The following DNM3 variants were observed in gnomAD, a reference collection of about 807,000 sequenced individuals.
The protein encoded by DNM3 is dynamin-3.
In DNM3, 47 loss-of-function variants were observed where a neutral mutation model predicts 101.6. The ratio of observed to expected loss-of-function variants is 0.46; its 90% CI spans 0.37 to 0.59. DNM3 has a LOEUF of 0.59. Among genes scored for constraint, DNM3 ranks in the 20% least tolerant of loss-of-function variants. DNM3 has a pLI of 0.00. For synonymous variants in DNM3, 385 were observed against 387.9 expected (o/e 0.99, Z 0.09); for missense variants, 849 against 1,085.7 (o/e 0.78, Z 3.06).
chr1:171,870,207 A>G (rs1051974845), intron 1 of DNM3, among the ~76,000 whole-genome samples: 4 of 152,228 alleles, frequency 2.6e-5, no homozygotes, highest in Non-Finnish European at 4.4e-5. Flanking sequence ...TCCGTTTGAC[A>G]TGAATTGCCT....
In DNM3 at chr1:172,412,678, T is replaced by C; in HGVS notation, c.*4837T>C. On this transcript the variant is annotated 3_prime_UTR_variant, in exon 21 of 21. Coordinates refer to ENST00000627582, the MANE Select transcript of DNM3 (RefSeq NM_015569.5). The stretch of plus-strand genomic sequence containing the variant: ...TGTACCTATTGTGAAAATGTGAAGC[T>C]GTATTTCTGAAGCTGAAATAAATTA... 2 of 985,786 alleles carry C rather than the reference T, an allele frequency of 2.0e-6. No individual in the cohort carries two copies. The highest frequency in any genetic ancestry group is 2.4e-6 in the Non-Finnish European group (2 of 829,852). The allele number at this position is 985,786 out of a possible 1,614,324, so 61.1% of individuals were successfully genotyped here.
chr1:172,319,325 T>A (rs2065572624), intron 16 of DNM3, among the ~76,000 whole-genome samples: 1 of 152,012 alleles, frequency 6.6e-6, no homozygotes. Context: ...GACATAGGCA[T>A]GGGCAAGGAC....
intron 14 of DNM3, among the ~76,000 whole-genome samples, chr1:172,146,302 G>A (rs764183294): frequency 1.3e-4 from 20 of 152,058 alleles, no homozygotes; most frequent in Non-Finnish European, 2.1e-4. Flanking sequence ...TCATTAAATA[G>A]CACACTACTG....
intron 14 of DNM3, among the ~76,000 whole-genome samples, chr1:172,164,604 A>G (rs1413614877): frequency 4.0e-5 from 6 of 151,810 alleles, no homozygotes; most frequent in Non-Finnish European, 1.5e-5. Context: ...TTCATACCCA[A>G]GTTTTTGCGT....
chr1:171,954,526 C>T (rs979973012), intron 2 of DNM3, among the ~76,000 whole-genome samples: 3 of 152,170 alleles, frequency 2.0e-5, no homozygotes, highest in Non-Finnish European at 2.9e-5. Context: ...ATGAAATCCT[C>T]TTAAGATAGT....
rs918111640 is a variant in DNM3, at chr1:172,022,846, C to G, written c.590-9556C>G. 1.4e-4 allele frequency among the ~76,000 whole-genome samples: 21 copies of G among 152,186 alleles called. 1 individual carries two copies. Among genetic ancestry groups the G allele is most frequent in the Admixed American group, 1.3e-3 (20 of 15,298 alleles). The stretch of plus-strand genomic sequence containing the variant: ...TATCCTTCTCCTATACTTATGTATA[C>G]TCACACACTCACATATGCACTTATC... On this transcript the variant is annotated intron_variant, in intron 4 of 20. Transcript: ENST00000627582.
rs866796843 is a variant in DNM3 at position 172,371,858 on chromosome 1, A to T, written c.1894-7160A>T. Reference sequence around the variant, plus strand: ...TTTATTTTTATTTTTATTTTTATTTATTTTTATTTTTATTTTTTATTTTTT... The same window carrying T: ...TTTATTTTTATTTTTATTTTTATTTTTTTTTATTTTTATTTTTTATTTTTT... On this transcript the variant is annotated intron_variant, in intron 17 of 20. Transcript: ENST00000627582. 2.8e-3 allele frequency among the ~76,000 whole-genome samples: 411 copies of T among 145,412 alleles called. 1 individual carries two copies. Among genetic ancestry groups the T allele is most frequent in the African/African-American group, 1.0e-2 (393 of 39,330 alleles).
At chr1:172,133,066 T>A in intron 14 of DNM3, 1 of 1,450,792 alleles carries the variant, frequency 6.9e-7, no homozygotes, top group South Asian at 1.5e-5. Context: ...CACAGAGGAC[T>A]TATGAAGATG....
rs1168663039 is a variant in DNM3 at position 172,182,102 on chromosome 1, C to A, written c.1659+50814C>A. Among the ~76,000 whole-genome samples the A allele has an allele frequency of 3.3e-5, 5 of 151,310 alleles. No individual in the cohort carries two copies. In the East Asian group the frequency reaches 9.7e-4, roughly 29 times the overall value. ...GGAACTTTTTACTATTAGAAATAGG[C>A]AACATTATTGTAGTGTGAAGGTCAT... On this transcript the variant is annotated intron_variant, in intron 14 of 20. Transcript: ENST00000627582.
rs141025538 is a variant in DNM3 at position 172,035,257 on chromosome 1, G to C, written c.849+1992G>C. Among the ~76,000 whole-genome samples the C allele has an allele frequency of 3.6e-3, 547 of 152,254 alleles. 8 individuals carry two copies. The highest frequency in any genetic ancestry group is 0.013 in the African/African-American group (531 of 41,562). On this transcript the variant is annotated intron_variant, in intron 6 of 20. Coordinates refer to ENST00000627582, the MANE Select transcript of DNM3 (RefSeq NM_015569.5). ...TCAAATACTTGATTTTGGACATGTT[G>C]AGCTTGAGATATCATTGACACATCC...
chr1:172,050,556 A>G (rs1325226058), intron 10 of DNM3, among the ~76,000 whole-genome samples: 1 of 152,246 alleles, frequency 6.6e-6, no homozygotes. Flanking sequence ...AAAAGACTTG[A>G]TAACTGTTAG....
intron 2 of DNM3, among the ~76,000 whole-genome samples, chr1:171,928,322 T>C (rs937586919): frequency 6.6e-6 from 1 of 152,174 alleles, no homozygotes; most frequent in African/African-American, 2.4e-5. Context: ...GGCTTCTCAC[T>C]GCCACTCTGG....
chr1:171,884,082 AG>A (rs2036557447), intron 1 of DNM3, among the ~76,000 whole-genome samples: 1 of 152,198 alleles, frequency 6.6e-6, no homozygotes, highest in Non-Finnish European at 1.5e-5. Flanking sequence ...GCATCTTCAA[AG>A]TTTTGTCTGG....
intron 19 of DNM3, among the ~76,000 whole-genome samples, chr1:172,387,781 T>C (rs2069280205): frequency 6.6e-6 from 1 of 152,136 alleles, no homozygotes; most frequent in East Asian, 1.9e-4. Flanking sequence ...AAAAGATATT[T>C]ACATTCAGGA....
chr1:172,033,453 C>T (rs1014431548), intron 6 of DNM3, among the ~76,000 whole-genome samples, 188 bp downstream of exon 6: 1 of 152,020 alleles, frequency 6.6e-6, no homozygotes, highest in Non-Finnish European at 1.5e-5. Context: ...GAATAGAACT[C>T]ACCTTCCTAT....
chr1:172,232,292 G>A (rs1405582894), intron 14 of DNM3, among the ~76,000 whole-genome samples: 1 of 152,094 alleles, frequency 6.6e-6, no homozygotes, highest in Non-Finnish European at 1.5e-5. Flanking sequence ...AGACAAAGAA[G>A]GCCATTACAT....
chr1:171,969,020 A>C (rs1016880196), intron 2 of DNM3, among the ~76,000 whole-genome samples: 2 of 152,172 alleles, frequency 1.3e-5, no homozygotes, highest in African/African-American at 4.8e-5. Context: ...GAAAAGCTAT[A>C]ATAACTGTTA....
chr1:172,191,497 G>A (rs1393069032), intron 14 of DNM3, among the ~76,000 whole-genome samples: 4 of 152,062 alleles, frequency 2.6e-5, no homozygotes, highest in Admixed American at 1.3e-4. Flanking sequence ...TTGGCAATGC[G>A]GGCTTTTTTT....
intron 20 of DNM3, among the ~76,000 whole-genome samples, chr1:172,394,857 G>A (rs1324859716): frequency 1.3e-4 from 20 of 152,124 alleles, no homozygotes; most frequent in Admixed American, 1.2e-3. Context: ...GTTAATGTTA[G>A]CTCAAAGAAA....
Sources: allele counts gnomAD v4.1 joint callset (sites outside exome capture counted in the v4.1 genomes callset), GRCh38; gene constraint gnomAD v4.1.1; transcripts MANE v1.5; gene names NCBI Gene and HGNC (gene_info 2026-07-23, HGNC 2026-07-21).